Variants in GALK2 observed in about 807,000 individuals in gnomAD.
GALK2 encodes the protein N-acetylgalactosamine kinase.
In GALK2, 36 loss-of-function variants were observed where a neutral mutation model predicts 52.4. The observed-to-expected ratio is 0.69, with a 90% CI of 0.53 to 0.91. GALK2 has a LOEUF of 0.91. Among genes scored for constraint, GALK2 ranks in the 40% least tolerant of loss-of-function variants. GALK2 has a pLI of 0.00. For synonymous variants in GALK2, 176 were observed against 199.1 expected, an observed-to-expected ratio of 0.88 and a Z score of 0.98; for missense variants, 579 against 559.1, an observed-to-expected ratio of 1.04 and a Z score of -0.36.
chr15:49,165,054 A>G (rs1189087504), intron 1 of GALK2, among the ~76,000 whole-genome samples: 3 of 152,080 alleles, frequency 2.0e-5, no homozygotes, highest in African/African-American at 7.2e-5. Flanking sequence ...CTTTTTGTTT[A>G]TGTTTATTGT....
chr15:49,229,404 CT>C (rs1363737164), intron 3 of GALK2, among the ~76,000 whole-genome samples: 1 of 152,102 alleles, frequency 6.6e-6, no homozygotes, highest in African/African-American at 2.4e-5. Flanking sequence ...AACCCTCTGG[CT>C]CCAAAGCATT....
In GALK2 at chr15:49,328,111, G is replaced by A. The variant is rs1567071417; in HGVS notation, c.1329G>A (p.Leu443=). 2 of 1,613,918 alleles carry A rather than the reference G, an allele frequency of 1.2e-6. No individual in the cohort carries two copies. The highest frequency in any genetic ancestry group is 1.7e-5 in the Admixed American group (1 of 59,992). The change falls in exon 10 of 10, where the codon TTG becomes TTA. Residue 443 remains leucine, a synonymous_variant. Coordinates refer to ENST00000560031, the MANE Select transcript of GALK2 (RefSeq NM_002044.4). Reference sequence around the variant, plus strand: ...GCTTAGCACCGGAGAAGCAAAGTTTGTTTGCTACCAAACCTGGAGGTGGGG... The same window carrying A: ...GCTTAGCACCGGAGAAGCAAAGTTTATTTGCTACCAAACCTGGAGGTGGGG... ...DGSLAPEKQS[L]FATKPGGGAL... is the part of the protein sequence containing the mutation.
chr15:49,269,260 A>G (rs1223946246), intron 5 of GALK2, among the ~76,000 whole-genome samples: 3 of 152,186 alleles, frequency 2.0e-5, no homozygotes, highest in Admixed American at 6.5e-5. Flanking sequence ...AAAGTGCTGT[A>G]CAAGAGATCA....
At chr15:49,205,970 A>G (rs947047174) in intron 2 of GALK2, among the ~76,000 whole-genome samples, 1 of 152,082 alleles carries the variant, frequency 6.6e-6, no homozygotes, top group South Asian at 2.1e-4. Flanking sequence ...TTATCCCCGC[A>G]CAATTTGTTG....
intron 3 of GALK2, among the ~76,000 whole-genome samples, chr15:49,357,254 T>C (rs1447620955): frequency 6.7e-6 from 1 of 149,056 alleles, no homozygotes; most frequent in Non-Finnish European, 1.5e-5. Flanking sequence ...CTGAAGGAAA[T>C]AGAGACACAA....
chr15:49,275,619 C>A (rs1031528369), intron 5 of GALK2, among the ~76,000 whole-genome samples: 1 of 152,160 alleles, frequency 6.6e-6, no homozygotes, highest in South Asian at 2.1e-4. Flanking sequence ...ACTAACTCAG[C>A]GAAACATTCC....
At chr15:49,274,909 A>G (rs1016865591) in intron 5 of GALK2, among the ~76,000 whole-genome samples, 12 of 152,290 alleles carry the variant, frequency 7.9e-5, no homozygotes, top group African/African-American at 2.6e-4. Flanking sequence ...ATCTCCTGTG[A>G]TAACAGTGCC....
intron 8 of GALK2, among the ~76,000 whole-genome samples, chr15:49,305,762 AAGAGAATC>A (rs2035495683): frequency 6.6e-6 from 1 of 152,112 alleles, no homozygotes; most frequent in South Asian, 2.1e-4. Flanking sequence ...GAAAACAGGA[AAGAGAATC>A]TGATAAAGGG....
intron 1 of GALK2, among the ~76,000 whole-genome samples, chr15:49,160,669 C>T (rs2084622912): frequency 6.6e-6 from 1 of 152,086 alleles, no homozygotes; most frequent in African/African-American, 2.4e-5. Context: ...TCGAGACCAT[C>T]CTGGCGAACA....
rs112032865 is a variant in GALK2 at position 49,284,892 on chromosome 15, C to T, written c.756+1174C>T. 6.2e-4 allele frequency among the ~76,000 whole-genome samples: 95 copies of T among 152,212 alleles called. 2 individuals are homozygous for T. The highest frequency in any genetic ancestry group is 3.4e-3 in the Middle Eastern group (1 of 292). On this transcript the variant is annotated intron_variant, in intron 7 of 9. Coordinates refer to ENST00000560031, the MANE Select transcript of GALK2 (RefSeq NM_002044.4). ...CTCACTCCATCTTTAACTTGTTCCT[C>T]GCCTCTATTTCTCTACTAAATCCTT... is the stretch of plus-strand genomic sequence containing the variant.
At chr15:49,214,359 T>C (rs148164789) in intron 2 of GALK2, among the ~76,000 whole-genome samples, 7,614 of 138,154 alleles carry the variant, frequency 0.055, 424 homozygotes, top group African/African-American at 0.14. Context: ...TGAGATGGAG[T>C]CTCACTCTGT....
At chr15:49,295,798 TC>T (rs1253256297) in intron 8 of GALK2, among the ~76,000 whole-genome samples, 1 of 152,218 alleles carries the variant, frequency 6.6e-6, no homozygotes, top group African/African-American at 2.4e-5. Context: ...TTTCTACCTG[TC>T]TTAAAAGCTT....
intron 3 of GALK2, chr15:49,366,056 T>TC: frequency 7.3e-6 from 6 of 818,298 alleles, no homozygotes; most frequent in East Asian, 7.2e-5. Context: ...TCCTTTTTTT[T>TC]CCCTCATTTA....
intron 1 of GALK2, among the ~76,000 whole-genome samples, chr15:49,174,202 CTG>C (rs2085289951): frequency 6.6e-6 from 1 of 152,140 alleles, no homozygotes; most frequent in Non-Finnish European, 1.5e-5. Context: ...TATATATTCT[CTG>C]AGCATTCTTG....
intron 3 of GALK2, among the ~76,000 whole-genome samples, chr15:49,224,165 C>T (rs2089991777): frequency 6.6e-6 from 1 of 151,530 alleles, no homozygotes; most frequent in Non-Finnish European, 1.5e-5. Context: ...TGTTCATATA[C>T]TTTGCCCATT....
At chr15:49,309,888 G>A (rs971926173) in intron 8 of GALK2, among the ~76,000 whole-genome samples, 4 of 152,174 alleles carry the variant, frequency 2.6e-5, no homozygotes, top group Admixed American at 2.6e-4. Flanking sequence ...TTACAGGCAT[G>A]AGCCACTGTG....
At chr15:49,182,433 G>A (rs1194977450) in intron 1 of GALK2, among the ~76,000 whole-genome samples, 2 of 152,152 alleles carry the variant, frequency 1.3e-5, no homozygotes, top group African/African-American at 4.8e-5. Context: ...CTTGGCTATT[G>A]TAAATGGTAC....
chr15:49,192,614 G>C (rs1309008870), intron 1 of GALK2, among the ~76,000 whole-genome samples: 3 of 150,206 alleles, frequency 2.0e-5, no homozygotes, highest in African/African-American at 7.4e-5. Flanking sequence ...ACAATGCCCA[G>C]TTCCCCTCTG....
chr15:49,325,087 T>C (rs1246838478), intron 9 of GALK2, among the ~76,000 whole-genome samples: 1 of 152,188 alleles, frequency 6.6e-6, no homozygotes, highest in East Asian at 1.9e-4. Flanking sequence ...TAGTAAGTGC[T>C]TTATGGTCGA....
Sources: allele counts gnomAD v4.1 joint callset (sites outside exome capture counted in the v4.1 genomes callset), GRCh38; gene constraint gnomAD v4.1.1; transcripts MANE v1.5; gene names NCBI Gene and HGNC (gene_info 2026-07-23, HGNC 2026-07-21).